RFC1: variants seen among roughly 807,000 people sequenced by gnomAD.
The protein encoded by RFC1 is A1 140 kDa subunit.
Under a neutral mutation model 137.4 loss-of-function variants are expected in RFC1, and 37 were observed. The ratio of observed to expected loss-of-function variants is 0.27; its 90% CI spans 0.21 to 0.35. RFC1 has a LOEUF of 0.35. Ranked by LOEUF, RFC1 falls within the 10% of genes least tolerant of loss-of-function variation. RFC1 has a pLI of 1.00. For missense variants in RFC1, 1,205 were observed against 1,358.5 expected, an observed-to-expected ratio of 0.89 and a Z score of 1.78; for synonymous variants, 429 against 455.7, an observed-to-expected ratio of 0.94 and a Z score of 0.75.
At chr4:39,323,139 G>A (rs1739602322) in intron 7 of RFC1, 6 of 385,106 alleles carry the variant, frequency 1.6e-5, no homozygotes, top group Non-Finnish European at 2.8e-5. Context: ...GTGATAAAAG[G>A]TTCTGGTTTG....
intron 1 of RFC1, chr4:39,365,490 A>G (rs1182183615): frequency 1.0e-6 from 1 of 985,412 alleles, no homozygotes; most frequent in Non-Finnish European, 1.2e-6. Flanking sequence ...TGCTGGCTGC[A>G]TAATCATTTC....
At chr4:39,320,757 T>G in intron 8 of RFC1, 88 bp from the exon 9 acceptor site, 1 of 1,289,916 alleles carries the variant, frequency 7.8e-7, no homozygotes, top group Non-Finnish European at 1.0e-6. Flanking sequence ...TGAGTAATCT[T>G]AGCACAGAAT....
intron 18 of RFC1, 21 bp downstream of exon 18, chr4:39,302,479 C>A: frequency 1.3e-6 from 2 of 1,529,422 alleles, no homozygotes; most frequent in Non-Finnish European, 1.8e-6. Context: ...ACAACTGTTA[C>A]ATGATATATA....
intron 4 of RFC1, among the ~76,000 whole-genome samples, chr4:39,332,014 T>C (rs1740128689): frequency 6.6e-6 from 1 of 152,218 alleles, no homozygotes; most frequent in African/African-American, 2.4e-5. Context: ...TGAGATCTGA[T>C]GGTTCTATAA....
intron 5 of RFC1, 26 bp downstream of exon 5, chr4:39,327,498 T>C (rs750924442): frequency 3.4e-6 from 5 of 1,473,278 alleles, no homozygotes; most frequent in East Asian, 4.5e-5. Context: ...ATCCTGAGCA[T>C]ACTTGCTTAT....
rs762801694 is a variant in RFC1, at chr4:39,345,463, C to T, written c.146G>A (p.Arg49His). The stretch of plus-strand genomic sequence containing the variant: ...CTTTTGTTTGAAGTCATCCTCTTTA[C>T]GGGAGCTATTTACCTATAAACATCA... The part of the protein sequence containing the change: ...GIKEIKVNSS[R>H]KEDDFKQKQP... The change falls in exon 3 of 25, where the codon CGT becomes CAT. Residue 49 changes from arginine (R) to histidine (H), a missense_variant. By Grantham distance (29) the Arg-to-His change is conservative. This residue lies in a region of RFC1 where 962 missense variants were observed against 1,035.3 expected (regional missense o/e 0.93). Coordinates refer to ENST00000349703, the MANE Select transcript of RFC1 (RefSeq NM_002913.5). 27 of 1,612,598 alleles carry T rather than the reference C, an allele frequency of 1.7e-5. No homozygotes were observed. Among genetic ancestry groups the T allele is most frequent in the East Asian group, 2.2e-5 (1 of 44,886 alleles).
rs760892775 is a variant in RFC1 at position 39,345,526 on chromosome 4, C to CTTTTT, written c.133-55_133-51dup. On this transcript the variant is annotated intron_variant, in intron 2 of 24. Coordinates refer to ENST00000349703, the MANE Select transcript of RFC1 (RefSeq NM_002913.5). ...AACATAAAGAAGCCTATATAACTAT[C>CTTTTT]TTTTTTTTTTTTGAGACGGAGTCTC... 451 of 1,164,732 alleles carry CTTTTT rather than the reference C, an allele frequency of 3.9e-4. No homozygotes were observed. In the African/African-American group the frequency reaches 6.5e-3, roughly 17 times the overall value. 72.1% of individuals were successfully genotyped at this position (1,164,732 alleles called of 1,614,324 possible). A position where few individuals can be genotyped will look rare whatever the true frequency, so the allele number is the denominator to read the frequency against.
chr4:39,294,722 G>A (rs1737887538), intron 22 of RFC1, among the ~76,000 whole-genome samples: 1 of 151,846 alleles, frequency 6.6e-6, no homozygotes, highest in South Asian at 2.1e-4. Flanking sequence ...GAATCCATAG[G>A]CCAGGCATGG....
rs983421034 is a variant in RFC1, at chr4:39,287,926, T to C, written c.*835A>G. Reference sequence around the variant, plus strand: ...CTGATGGGTTGAGACTCCAGAAGGATAAGAATGTCTGAGAATCTTCTGCAG... The same window carrying C: ...CTGATGGGTTGAGACTCCAGAAGGACAAGAATGTCTGAGAATCTTCTGCAG... On this transcript the variant is annotated 3_prime_UTR_variant, in exon 25 of 25. Transcript: ENST00000349703. The C allele has an allele frequency of 1.3e-5, 2 of 152,188 alleles. No individual in the cohort carries two copies. The highest frequency in any genetic ancestry group is 4.8e-5 in the African/African-American group (2 of 41,430). 9.4% of individuals were successfully genotyped at this position (152,188 alleles called of 1,614,324 possible).
chr4:39,303,199 A>G (rs1738459858), intron 15 of RFC1, 48 bp from the exon 16 acceptor site: 1 of 1,276,956 alleles, frequency 7.8e-7, no homozygotes, highest in Non-Finnish European at 1.1e-6. Context: ...CAAAATAACA[A>G]TTGCTCAAAA....
chr4:39,323,031 G>A (rs1739597567), intron 7 of RFC1, among the ~76,000 whole-genome samples: 1 of 152,086 alleles, frequency 6.6e-6, no homozygotes, highest in African/African-American at 2.4e-5. Flanking sequence ...GTTGCACTGA[G>A]CCCAGATCAG....
intron 10 of RFC1, 72 bp downstream of exon 10, chr4:39,316,843 C>G: frequency 1.2e-6 from 1 of 851,204 alleles, no homozygotes; most frequent in Non-Finnish European, 1.9e-6. Context: ...CTGCTATAAT[C>G]ATCGTGAATA....
chr4:39,304,129 A>G (rs1366532200), intron 15 of RFC1, among the ~76,000 whole-genome samples: 1 of 152,226 alleles, frequency 6.6e-6, no homozygotes, highest in African/African-American at 2.4e-5. Flanking sequence ...TATTTTGAAC[A>G]ATGTGAAGGC....
chr4:39,341,423 T>C lies in RFC1; in HGVS notation c.331+922A>G, dbSNP rs1335059737. The C allele has an allele frequency of 2.8e-5, 10 of 355,108 alleles. No individual in the cohort carries two copies. The Admixed American group carries it at 3.7e-4, about 13-fold the overall frequency. 22.0% of individuals were successfully genotyped at this position (355,108 alleles called of 1,614,324 possible). ...AAAGGTTAAGAGTCAATCAGCCACC[T>C]GCCCATAACAAAGAAACGTCTGTTT... On this transcript the variant is annotated intron_variant, in intron 4 of 24. Transcript: ENST00000349703.
chr4:39,325,023 T>C (rs1739694078), intron 6 of RFC1, among the ~76,000 whole-genome samples: 2 of 152,172 alleles, frequency 1.3e-5, no homozygotes, highest in African/African-American at 4.8e-5. Context: ...CTAGCCACTC[T>C]CTCCTCTCCT....
intron 4 of RFC1, 114 bp from the exon 5 acceptor site, chr4:39,327,870 G>T: frequency 1.3e-6 from 1 of 799,908 alleles, no homozygotes; most frequent in Non-Finnish European, 1.9e-6. Flanking sequence ...GGTGGCTCAT[G>T]CTTGTAATCC....
At chr4:39,306,451 T>A (rs1738660271) in intron 14 of RFC1, 141 bp downstream of exon 14, 1 of 558,468 alleles carries the variant, frequency 1.8e-6, no homozygotes, top group African/African-American at 1.9e-5. Flanking sequence ...TCTAAAGGTT[T>A]TATCTTAGAA....
At chr4:39,326,707 T>C (rs941686483) in intron 5 of RFC1, 67 bp from the exon 6 acceptor site, 2 of 1,196,552 alleles carry the variant, frequency 1.7e-6, no homozygotes, top group African/African-American at 3.0e-5. Context: ...CACTTTTTCT[T>C]GACTGTTGCT....
chr4:39,321,561 C>A, intron 7 of RFC1, 187 bp from the exon 8 acceptor site: 1 of 544,456 alleles, frequency 1.8e-6, no homozygotes, highest in Non-Finnish European at 3.2e-6. Flanking sequence ...CTTCATGTTA[C>A]AAATGAGGAA....
Sources: allele counts gnomAD v4.1 joint callset (sites outside exome capture counted in the v4.1 genomes callset), GRCh38; gene constraint gnomAD v4.1.1; regional missense constraint gnomAD v4.1.1; transcripts MANE v1.5; gene names NCBI Gene and HGNC (gene_info 2026-07-23, HGNC 2026-07-21).